TGFB1: variants seen among roughly 807,000 people sequenced by gnomAD.
TGFB1 encodes transforming growth factor beta 1.
TGFB1 carries 19 observed loss-of-function variants against 43.8 expected under a neutral mutation model. That is an observed-to-expected ratio of 0.43 (90% CI 0.30 to 0.64). The LOEUF is 0.64. Ranked by LOEUF, TGFB1 falls within the 30% of genes least tolerant of loss-of-function variation. The pLI is 0.11. For synonymous variants in TGFB1, 221 were observed against 236.3 expected, an observed-to-expected ratio of 0.94 and a Z score of 0.60; for missense variants, 445 against 529.8, an observed-to-expected ratio of 0.84 and a Z score of 1.57.
intron 3 of TGFB1, among the ~76,000 whole-genome samples, chr19:41,344,409 T>A (rs531128516): frequency 4.3e-4 from 65 of 152,180 alleles, no homozygotes; most frequent in African/African-American, 1.5e-3. Context: ...TCCTTTGGGC[T>A]CCCCATCCCA....
intron 5 of TGFB1, among the ~76,000 whole-genome samples, chr19:41,335,476 A>G (rs1392704182): frequency 6.6e-6 from 1 of 152,222 alleles, no homozygotes; most frequent in Non-Finnish European, 1.5e-5. Flanking sequence ...GACCAGCGGC[A>G]GCATCACCTG....
chr19:41,345,988 TA>T (rs1431378589), intron 2 of TGFB1, among the ~76,000 whole-genome samples: 4 of 152,084 alleles, frequency 2.6e-5, no homozygotes, highest in Non-Finnish European at 4.4e-5. Context: ...TTTAGAAGAC[TA>T]ATGTTCTATA....
At chr19:41,339,761 T>C (rs1599886944) in intron 5 of TGFB1, among the ~76,000 whole-genome samples, 1 of 151,822 alleles carries the variant, frequency 6.6e-6, no homozygotes, top group Non-Finnish European at 1.5e-5. Flanking sequence ...GAGGCGGAGG[T>C]TGCAGTGAGC....
intron 2 of TGFB1, 27 bp from the exon 3 acceptor site, chr19:41,344,891 G>C (rs200413791): frequency 3.9e-6 from 6 of 1,551,224 alleles, no homozygotes; most frequent in Non-Finnish European, 5.2e-6. Flanking sequence ...GCAGGAGAGA[G>C]ACAGTGGGTA....
rs1312689594 is a variant in TGFB1 at position 41,332,299 on chromosome 19, G to A, written c.861-18C>T. 3.7e-6 allele frequency: 6 copies of A among 1,611,066 alleles called. No individual in the cohort carries two copies. The highest frequency in any genetic ancestry group is 4.5e-5 in the East Asian group (2 of 44,794). On this transcript the variant is annotated intron_variant, in intron 5 of 6. Coordinates refer to ENST00000221930, the MANE Select transcript of TGFB1 (RefSeq NM_000660.7). The stretch of plus-strand genomic sequence containing the variant: ...CCGTGGAGCTGCAGGCAGGAGAGAC[G>A]CGTCAGGGGCAGGGAGGGGCTACCA...
intron 1 of TGFB1, among the ~76,000 whole-genome samples, chr19:41,350,591 A>C (rs1317309273): frequency 6.6e-6 from 1 of 152,114 alleles, no homozygotes; most frequent in Non-Finnish European, 1.5e-5. Flanking sequence ...TACAGGCGTG[A>C]GCCACCGCGC....
intron 5 of TGFB1, among the ~76,000 whole-genome samples, chr19:41,337,334 T>C (rs2037998712): frequency 6.6e-6 from 1 of 151,594 alleles, no homozygotes; most frequent in South Asian, 2.1e-4. Flanking sequence ...AGAGAGGAGG[T>C]TTCACCACGT....
chr19:41,352,617 C>T lies in TGFB1; in HGVS notation c.355+73G>A, dbSNP rs1211340958. The T allele has an allele frequency of 9.0e-6, 14 of 1,553,772 alleles. No homozygotes were observed. The East Asian group carries it at 2.5e-4, about 28-fold the overall frequency. ...AGCCAGTTTCTTCTGCCAGTCACTTCCTACCCGTGGCCCCGGCACTCCGGC... is the reference window on the plus strand; with the variant it reads ...AGCCAGTTTCTTCTGCCAGTCACTTTCTACCCGTGGCCCCGGCACTCCGGC... On this transcript the variant is annotated intron_variant, in intron 1 of 6. Transcript: ENST00000221930.
At chr19:41,331,274 C>G in intron 6 of TGFB1, 64 bp from the exon 7 acceptor site, 1 of 1,433,318 alleles carries the variant, frequency 7.0e-7, no homozygotes, top group Non-Finnish European at 9.1e-7. Flanking sequence ...CCCTCCACTG[C>G]CCCATCCCCC....
chr19:41,351,122 T>G (rs1474499244), intron 1 of TGFB1: 1 of 152,288 alleles, frequency 6.6e-6, no homozygotes, highest in Non-Finnish European at 1.5e-5. Flanking sequence ...GAGACACATG[T>G]GCATTTGTTG....
chr19:41,341,877 G>A lies in TGFB1; in HGVS notation c.860+6C>T, dbSNP rs1392130681. The A allele has an allele frequency of 1.9e-6, 3 of 1,613,090 alleles. No individual in the cohort carries two copies. In the South Asian group the frequency reaches 3.3e-5, roughly 18 times the overall value. ...GGAAGGCCTCCATCCAGGCTACAAG[G>A]CTCACCTGAAGCAATAGTTGGTGTC... On this transcript the variant is annotated splice_donor_region_variant and intron_variant, in intron 5 of 6. Transcript: ENST00000221930.
chr19:41,340,802 A>G (rs534865343), intron 5 of TGFB1, among the ~76,000 whole-genome samples: 3 of 152,300 alleles, frequency 2.0e-5, no homozygotes, highest in Admixed American at 1.3e-4. Flanking sequence ...GGAATTCCAC[A>G]TGGGCCATCT....
At chr19:41,337,790 A>G (rs900696202) in intron 5 of TGFB1, among the ~76,000 whole-genome samples, 1 of 152,186 alleles carries the variant, frequency 6.6e-6, no homozygotes, top group African/African-American at 2.4e-5. Flanking sequence ...AGCCTACTCA[A>G]CATGAAGACC....
intron 1 of TGFB1, among the ~76,000 whole-genome samples, chr19:41,349,283 A>T (rs1236516495): frequency 1.3e-5 from 2 of 151,906 alleles, no homozygotes; most frequent in Admixed American, 6.6e-5. Context: ...TCCCACACAG[A>T]CTCTCCTAAT....
At chr19:41,340,069 C>T (rs1178748304) in intron 5 of TGFB1, among the ~76,000 whole-genome samples, 1 of 152,068 alleles carries the variant, frequency 6.6e-6, no homozygotes, top group Non-Finnish European at 1.5e-5. Flanking sequence ...TCTTAGATTG[C>T]AGTATTAGCA....
At chr19:41,349,455 T>C (rs887097272) in intron 1 of TGFB1, among the ~76,000 whole-genome samples, 3 of 152,152 alleles carry the variant, frequency 2.0e-5, no homozygotes, top group Admixed American at 2.0e-4. Context: ...CACTCAATCA[T>C]GTATACGTCT....
intron 5 of TGFB1, among the ~76,000 whole-genome samples, chr19:41,337,610 A>ATC (rs149030280): frequency 7.3e-5 from 11 of 150,948 alleles, no homozygotes; most frequent in South Asian, 2.1e-4. Flanking sequence ...CTACAAAATC[A>ATC]TCTCTCTCTC....
At chr19:41,334,442 T>TC (rs1044364663) in intron 5 of TGFB1, among the ~76,000 whole-genome samples, 2 of 147,380 alleles carry the variant, frequency 1.4e-5, no homozygotes, top group African/African-American at 5.0e-5. Flanking sequence ...TTTTTTTTTT[T>TC]TTTTGAGACA....
intron 5 of TGFB1, among the ~76,000 whole-genome samples, chr19:41,336,336 G>A (rs1222985409): frequency 1.3e-5 from 2 of 151,192 alleles, no homozygotes; most frequent in African/African-American, 4.9e-5. Flanking sequence ...CTTCAACAAT[G>A]ACCAACTCAT....
Sources: gnomAD v4.1 joint callset for allele counts (sites outside exome capture counted in the v4.1 genomes callset) on GRCh38, gnomAD v4.1.1 for gene constraint, MANE v1.5 for transcripts, NCBI Gene and HGNC (gene_info 2026-07-23, HGNC 2026-07-21) for gene names.